The following IBTK variants were observed in gnomAD, a reference collection of about 807,000 sequenced individuals.
IBTK encodes the protein BTK-binding protein.
A neutral mutation model predicts 154.9 loss-of-function variants in IBTK; 83 were observed. The observed-to-expected ratio is 0.54, with a 90% CI of 0.45 to 0.64. IBTK has a LOEUF of 0.64. Ranked by LOEUF, IBTK falls within the 30% of genes least tolerant of loss-of-function variation. IBTK has a pLI of 0.00. For missense variants in IBTK, 1,332 were observed against 1,584.6 expected, an observed-to-expected ratio of 0.84 and a Z score of 2.71; for synonymous variants, 515 against 536.1, an observed-to-expected ratio of 0.96 and a Z score of 0.54.
chr6:82,187,416 TAGTC>T (rs1368905938), intron 25 of IBTK, among the ~76,000 whole-genome samples: 3 of 152,156 alleles, frequency 2.0e-5, no homozygotes, highest in Non-Finnish European at 2.9e-5. Flanking sequence ...GTTTGAAAAT[TAGTC>T]AGAAGTTTCA....
At chr6:82,172,220 C>T (rs534724545) in intron 28 of IBTK, among the ~76,000 whole-genome samples, 160 bp downstream of exon 28, 1 of 152,264 alleles carries the variant, frequency 6.6e-6, no homozygotes, top group East Asian at 1.9e-4. Flanking sequence ...ACAACTAATA[C>T]ATACACTGCT....
intron 21 of IBTK, among the ~76,000 whole-genome samples, chr6:82,199,479 C>T (rs1477550921): frequency 6.6e-6 from 1 of 152,092 alleles, no homozygotes; most frequent in African/African-American, 2.4e-5. Flanking sequence ...TTCAAACAGG[C>T]TCACATAATG....
At chr6:82,202,250 G>A (rs1455979679) in intron 18 of IBTK, among the ~76,000 whole-genome samples, 4 of 152,058 alleles carry the variant, frequency 2.6e-5, no homozygotes, top group Non-Finnish European at 5.9e-5. Flanking sequence ...TTCTCATATT[G>A]TCACCAATGA....
intron 5 of IBTK, among the ~76,000 whole-genome samples, chr6:82,225,960 C>T (rs1004949140): frequency 5.3e-5 from 8 of 151,964 alleles, no homozygotes; most frequent in African/African-American, 1.7e-4. Flanking sequence ...AAAGTATACA[C>T]GGGTACATTG....
chr6:82,201,300 G>C (rs756358239), intron 19 of IBTK, 122 bp downstream of exon 19: 75 of 534,266 alleles, frequency 1.4e-4, no homozygotes, highest in Non-Finnish European at 2.2e-4. Flanking sequence ...TATATCATCA[G>C]TTTTAAAAGA....
chr6:82,237,432 T>C (rs914789537), intron 2 of IBTK, among the ~76,000 whole-genome samples: 5 of 152,010 alleles, frequency 3.3e-5, no homozygotes, highest in Non-Finnish European at 7.4e-5. Context: ...CTTTACTTCA[T>C]GGATAGTCCC....
At chr6:82,198,410 G>C in intron 21 of IBTK, among the ~76,000 whole-genome samples, 1 of 151,940 alleles carries the variant, frequency 6.6e-6, no homozygotes, top group East Asian at 1.9e-4. Flanking sequence ...TAGGTCTCCT[G>C]ATTCCTATTT....
intron 21 of IBTK, among the ~76,000 whole-genome samples, chr6:82,198,219 A>AT (rs1402323833): frequency 6.6e-6 from 1 of 152,166 alleles, no homozygotes; most frequent in African/African-American, 2.4e-5. Context: ...CTGCTTTTCC[A>AT]TAAGTCATTT....
Position 82,214,329 on chromosome 6 carries a change from T to G in IBTK, c.2102A>C (p.Lys701Thr), listed in dbSNP as rs781181213. ...AQTVSERQKS[K>T]PKSCKKGKNI... ...TTTTCCTTTTTTACAAGATTTAGGTTTGCTCTTCTGCCTCTCACTAACTGT... is the reference window on the plus strand; with the variant it reads ...TTTTCCTTTTTTACAAGATTTAGGTGTGCTCTTCTGCCTCTCACTAACTGT... The change falls in exon 12 of 29, where the codon AAA (lysine) becomes ACA (threonine). Residue 701 changes from lysine (K) to threonine (T), a missense_variant. By Grantham distance (78) the Lys-to-Thr change is moderately conservative (BLOSUM62 -1). Transcript: ENST00000306270. 5 of 1,613,998 alleles carry G rather than the reference T, an allele frequency of 3.1e-6. No homozygotes were observed. The Admixed American group carries it at 5.0e-5, about 16-fold the overall frequency.
Position 82,200,638 on chromosome 6 carries a change from T to G in IBTK, c.2861A>C (p.Glu954Ala). The change falls in exon 20 of 29, where the codon GAA becomes GCA. Residue 954 changes from glutamate (E) to alanine (A), a missense_variant. By Grantham distance (107) the Glu-to-Ala change is moderately radical. This residue lies in a region of IBTK where 1,134 missense variants were observed against 1,274.7 expected (regional missense o/e 0.89). Coordinates refer to ENST00000306270, the MANE Select transcript of IBTK (RefSeq NM_015525.4). Reference protein sequence around the residue: ...DGPDISYLEVEDGDIFLKEEI... With the variant: ...DGPDISYLEVADGDIFLKEEI... ...TTCTTTCAAGAAGATATCTCCATCT[T>G]CTACTTCCAAATAGCTAATATCTGG... 1 of 1,597,314 alleles carries G rather than the reference T, an allele frequency of 6.3e-7. No individual in the cohort carries two copies. The highest frequency in any genetic ancestry group is 8.5e-7 in the Non-Finnish European group (1 of 1,173,152).
At chr6:82,189,106 A>C in intron 25 of IBTK, 1 of 401,748 alleles carries the variant, frequency 2.5e-6, no homozygotes, top group South Asian at 1.8e-5. Context: ...TTTGTAGAGA[A>C]AACAGTGAGG....
At chr6:82,220,194 A>T (rs961488900) in intron 9 of IBTK, among the ~76,000 whole-genome samples, 2 of 152,154 alleles carry the variant, frequency 1.3e-5, no homozygotes, top group Non-Finnish European at 2.9e-5. Flanking sequence ...TGGCCAATAG[A>T]GCGAGACTGT....
intron 24 of IBTK, 177 bp from the exon 25 acceptor site, chr6:82,191,393 T>A: frequency 1.7e-6 from 1 of 604,594 alleles, no homozygotes; most frequent in Non-Finnish European, 2.8e-6. Flanking sequence ...ATCAAAATGC[T>A]CACAAGTTTC....
At chr6:82,211,431 T>A (rs372001248) in intron 14 of IBTK, 27 bp from the exon 15 acceptor site, 1 of 1,605,710 alleles carries the variant, frequency 6.2e-7, no homozygotes, top group African/African-American at 1.3e-5. Context: ...TTCAATGCAA[T>A]AAGAATAGTG....
chr6:82,190,778 A>C (rs543000951), intron 25 of IBTK, among the ~76,000 whole-genome samples: 1 of 152,176 alleles, frequency 6.6e-6, no homozygotes, highest in African/African-American at 2.4e-5. Flanking sequence ...TCTAATTAGA[A>C]TATCAAGAAG....
intron 2 of IBTK, among the ~76,000 whole-genome samples, chr6:82,237,402 C>T (rs1770756031): frequency 6.6e-6 from 1 of 151,976 alleles, no homozygotes; most frequent in Admixed American, 6.6e-5. Context: ...TCTTCTCTAC[C>T]ATTAACAAAC....
chr6:82,191,814 C>T lies in IBTK; in HGVS notation c.3404G>A (p.Cys1135Tyr). The stretch of plus-strand genomic sequence containing the variant: ...TAAATGTGACTTTGGTGTAGCTCCA[C>T]ATTTTTGTCTACTTTCTTCTATTTC... ...IMEIEESRQK[C>Y]GATPKSHLGK... The change falls in exon 24 of 29, where the codon TGT becomes TAT. Residue 1135 changes from cysteine (C) to tyrosine (Y), a missense_variant. Cys to Tyr is a radical substitution (Grantham distance 194). Around this residue, in one of 3 missense-constraint regions of IBTK, gnomAD observed 1,134 missense variants for 1,274.7 expected, o/e 0.89. Transcript: ENST00000306270. The T allele has an allele frequency of 6.2e-7, 1 of 1,609,718 alleles. No individual in the cohort carries two copies. The highest frequency in any genetic ancestry group is 1.1e-5 in the South Asian group (1 of 90,980).
At chr6:82,183,077 A>C (rs114978850) in intron 25 of IBTK, among the ~76,000 whole-genome samples, 3,135 of 152,298 alleles carry the variant, frequency 0.021, 117 homozygotes, top group African/African-American at 0.07. Flanking sequence ...GCAATAAATA[A>C]CTAATACAAG....
At chr6:82,222,192 T>C (rs916607521) in intron 8 of IBTK, among the ~76,000 whole-genome samples, 3 of 151,768 alleles carry the variant, frequency 2.0e-5, no homozygotes, top group Non-Finnish European at 4.4e-5. Context: ...AAAAAGTAAT[T>C]GTTACTCAAA....
Sources: gnomAD v4.1 joint callset for allele counts (sites outside exome capture counted in the v4.1 genomes callset) on GRCh38, gnomAD v4.1.1 for gene constraint, gnomAD v4.1.1 regional missense constraint, MANE v1.5 for transcripts, NCBI Gene and HGNC (gene_info 2026-07-23, HGNC 2026-07-21) for gene names.